ADAMTS18: variants seen among roughly 807,000 people sequenced by gnomAD.
ADAMTS18 encodes the protein A disintegrin and metalloproteinase with thrombospondin motifs 18.
In ADAMTS18, 157 loss-of-function variants were observed where a neutral mutation model predicts 165.9. The ratio of observed to expected loss-of-function variants is 0.95; its 90% CI spans 0.83 to 1.08. ADAMTS18 has a LOEUF of 1.08. Among genes scored for constraint, ADAMTS18 ranks in the 50% least tolerant of loss-of-function variants. The pLI is 0.00. For missense variants in ADAMTS18, 2,040 were observed against 1,534.0 expected, an observed-to-expected ratio of 1.33 and a Z score of -5.51; for synonymous variants, 782 against 578.2, an observed-to-expected ratio of 1.35 and a Z score of -5.06.
rs1198026085 is a variant in ADAMTS18 at position 77,335,875 on chromosome 16, A to T, written c.1740T>A (p.Phe580Leu). 2 of 1,614,218 alleles carry T rather than the reference A, an allele frequency of 1.2e-6. No homozygotes were observed. Among genetic ancestry groups the T allele is most frequent in the Admixed American group, 3.3e-5 (2 of 60,026 alleles). The change falls in exon 12 of 23, where the codon TTT becomes TTA. Residue 580 changes from phenylalanine to leucine, a missense_variant. Physicochemically the swap from Phe to Leu is conservative, Grantham distance 22 (BLOSUM62 0). Coordinates refer to ENST00000282849, the MANE Select transcript of ADAMTS18 (RefSeq NM_199355.4). ...MWCRQGQCVK[F>L]GELGPRPIHG... ...GGATGGGCCGGGGCCCGAGCTCCCC[A>T]AACTTTACGCACTGGCCTTGCCGAC...
chr16:77,350,512 C>A (rs2144706794), intron 10 of ADAMTS18, among the ~76,000 whole-genome samples: 1 of 152,296 alleles, frequency 6.6e-6, no homozygotes, highest in South Asian at 2.1e-4. Context: ...GTAATCTTCA[C>A]CTTTCAAAGG....
In ADAMTS18 at chr16:77,355,945, G is replaced by A. The variant is rs747680539; in HGVS notation, c.1455C>T (p.Phe485=). 1.9e-6 allele frequency: 3 copies of A among 1,613,836 alleles called. No homozygotes were observed. In the African/African-American group the frequency reaches 4.0e-5, roughly 22 times the overall value. ...SSCSRQYLKK[F]LSTPQAGCLV... is the part of the protein sequence containing the mutation. ...CAGGATTTAACCTGTCATACCTGAG[G>A]AATTTCTTGAGATACTGGCGGCTGC... The change falls in exon 9 of 23, where the codon TTC becomes TTT. Residue 485 remains phenylalanine (F), a synonymous_variant. Coordinates refer to ENST00000282849, the MANE Select transcript of ADAMTS18 (RefSeq NM_199355.4).
At chr16:77,376,867 T>G (rs2056961533) in intron 3 of ADAMTS18, among the ~76,000 whole-genome samples, 1 of 139,970 alleles carries the variant, frequency 7.1e-6, no homozygotes, top group African/African-American at 2.7e-5. Flanking sequence ...CAGGCTGGAG[T>G]GCAGTGGGGT....
intron 10 of ADAMTS18, among the ~76,000 whole-genome samples, chr16:77,345,305 G>A (rs1015840486): frequency 6.6e-6 from 1 of 152,050 alleles, no homozygotes; most frequent in African/African-American, 2.4e-5. Flanking sequence ...ATGTTTCACT[G>A]TCCCCATCTC....
chr16:77,376,768 A>G (rs1192795019), intron 3 of ADAMTS18, among the ~76,000 whole-genome samples: 2 of 151,468 alleles, frequency 1.3e-5, no homozygotes, highest in Middle Eastern at 7.0e-3. Context: ...TTATTTGTGA[A>G]CAGGTGTTTT....
intron 9 of ADAMTS18, among the ~76,000 whole-genome samples, chr16:77,355,116 A>G (rs890309913): frequency 5.3e-5 from 8 of 152,054 alleles, no homozygotes; most frequent in Non-Finnish European, 1.0e-4. Context: ...TCAATTCCCA[A>G]AGAAATTTCA....
At chr16:77,417,587 T>C (rs1325059398) in intron 3 of ADAMTS18, among the ~76,000 whole-genome samples, 1 of 152,156 alleles carries the variant, frequency 6.6e-6, no homozygotes, top group African/African-American at 2.4e-5. Context: ...AGGTTCCACA[T>C]CTAACAATCC....
rs60758638 is a variant in ADAMTS18 at position 77,358,302 on chromosome 16, G to A, written c.1322+1016C>T. Among the ~76,000 whole-genome samples the A allele has an allele frequency of 2.0e-3, 300 of 152,272 alleles. 2 individuals are homozygous for A. In the South Asian group the frequency reaches 0.031, roughly 16 times the overall value. Reference sequence around the variant, plus strand: ...TAGAAGATACTGGCACTGTCCGGGCGTGGTGGCTCACACCTGTAATCTCAG... The same window carrying A: ...TAGAAGATACTGGCACTGTCCGGGCATGGTGGCTCACACCTGTAATCTCAG... On this transcript the variant is annotated intron_variant, in intron 8 of 22. Coordinates refer to ENST00000282849, the MANE Select transcript of ADAMTS18 (RefSeq NM_199355.4).
chr16:77,302,186 G>A (rs1194045339), intron 16 of ADAMTS18, among the ~76,000 whole-genome samples: 2 of 151,944 alleles, frequency 1.3e-5, no homozygotes, highest in Non-Finnish European at 2.9e-5. Context: ...GTTTTCATCT[G>A]ATATTAAGTA....
intron 3 of ADAMTS18, among the ~76,000 whole-genome samples, chr16:77,390,937 T>A (rs368397347): frequency 9.2e-5 from 14 of 152,326 alleles, no homozygotes; most frequent in African/African-American, 3.4e-4. Context: ...GAAAGTTCTA[T>A]GGAACAGCAT....
At chr16:77,326,226 C>T (rs1228779415) in intron 12 of ADAMTS18, among the ~76,000 whole-genome samples, 188 bp from the exon 13 acceptor site, 3 of 152,122 alleles carry the variant, frequency 2.0e-5, no homozygotes, top group African/African-American at 7.2e-5. Flanking sequence ...CTAGGCTAGA[C>T]ATAACTAATC....
At chr16:77,361,203 C>A (rs1032579405) in intron 7 of ADAMTS18, among the ~76,000 whole-genome samples, 2 of 152,078 alleles carry the variant, frequency 1.3e-5, no homozygotes, top group African/African-American at 2.4e-5. Context: ...GCCACAGAGA[C>A]CTGTGGCCTG....
intron 16 of ADAMTS18, among the ~76,000 whole-genome samples, chr16:77,315,024 C>T (rs1567475043): frequency 6.6e-6 from 1 of 151,228 alleles, no homozygotes; most frequent in African/African-American, 2.4e-5. Context: ...GTGTGTAGAA[C>T]ATCTTGGAAT....
chr16:77,286,800 T>C lies in ADAMTS18; in HGVS notation c.3550+2464A>G, dbSNP rs187593712. Reference sequence around the variant, plus strand: ...CTTCCAGACACGTAAACACCCAGTTTCAATGCAGTGTGACACAAGTCTCTG... The same window carrying C: ...CTTCCAGACACGTAAACACCCAGTTCCAATGCAGTGTGACACAAGTCTCTG... On this transcript the variant is annotated intron_variant, in intron 22 of 22. Coordinates refer to ENST00000282849, the MANE Select transcript of ADAMTS18 (RefSeq NM_199355.4). Among the ~76,000 whole-genome samples the C allele has an allele frequency of 6.6e-5, 10 of 152,262 alleles. No homozygotes were observed. The East Asian group carries it at 1.5e-3, about 24-fold the overall frequency.
intron 3 of ADAMTS18, among the ~76,000 whole-genome samples, chr16:77,370,429 T>C (rs899764115): frequency 2.0e-5 from 3 of 152,138 alleles, no homozygotes; most frequent in African/African-American, 4.8e-5. Context: ...CATTTCTATA[T>C]GCCAACAGTG....
At chr16:77,315,488 C>T (rs574685858) in intron 16 of ADAMTS18, among the ~76,000 whole-genome samples, 1 of 152,334 alleles carries the variant, frequency 6.6e-6, no homozygotes, top group African/African-American at 2.4e-5. Flanking sequence ...GGCATCTCCA[C>T]TCACGCCTGT....
Position 77,297,195 on chromosome 16 carries a change from T to G in ADAMTS18, c.2801+94A>C, listed in dbSNP as rs1350205040. On this transcript the variant is annotated intron_variant, in intron 18 of 22. Transcript: ENST00000282849. ...CGTCTACCTTTGAATCACTTTCCAT[T>G]AGCAGTATTCACAGTGAGCTTTCAT... 3.3e-6 allele frequency: 5 copies of G among 1,520,922 alleles called. No homozygotes were observed. In the East Asian group the frequency reaches 1.1e-4, roughly 34 times the overall value. The allele number at this position is 1,520,922 out of a possible 1,614,324, so 94.2% of individuals were successfully genotyped here. A position where few individuals can be genotyped will look rare whatever the true frequency, so the allele number is the denominator to read the frequency against.
At chr16:77,411,671 T>A (rs1009662902) in intron 3 of ADAMTS18, among the ~76,000 whole-genome samples, 1 of 141,278 alleles carries the variant, frequency 7.1e-6, no homozygotes, top group Admixed American at 7.3e-5. Flanking sequence ...CCACAGAGTA[T>A]CCAGAATTTT....
chr16:77,411,125 G>C (rs1013480561), intron 3 of ADAMTS18, among the ~76,000 whole-genome samples: 49 of 152,188 alleles, frequency 3.2e-4, no homozygotes, highest in African/African-American at 1.1e-3. Context: ...TGTGATGCTT[G>C]ATGCTTATTG....
Sources: gnomAD v4.1 joint callset for allele counts (sites outside exome capture counted in the v4.1 genomes callset) on GRCh38, gnomAD v4.1.1 for gene constraint, MANE v1.5 for transcripts, NCBI Gene and HGNC (gene_info 2026-07-23, HGNC 2026-07-21) for gene names.